Variants in ABCA13 observed in about 807,000 individuals in gnomAD.
ABCA13 encodes the protein ATP-binding cassette sub-family A member 13.
In ABCA13, 476 loss-of-function variants were observed where a neutral mutation model predicts 478.7. That is an observed-to-expected ratio of 0.99 (90% CI 0.92 to 1.07). The LOEUF is 1.07. Ranked by LOEUF, ABCA13 falls within the 50% of genes least tolerant of loss-of-function variation. The pLI, the probability that ABCA13 is intolerant of heterozygous loss-of-function variation, is 0.00. For missense variants in ABCA13, 6,060 were observed against 5,910.6 expected, an observed-to-expected ratio of 1.03 and a Z score of -0.83; for synonymous variants, 2,252 against 2,158.9, an observed-to-expected ratio of 1.04 and a Z score of -1.20.
intron 55 of ABCA13, among the ~76,000 whole-genome samples, chr7:48,534,722 T>C (rs1006747141): frequency 6.6e-6 from 1 of 152,192 alleles, no homozygotes; most frequent in African/African-American, 2.4e-5. Context: ...TTTTTCTTTG[T>C]CTTTGATGAA....
chr7:48,320,273 C>T (rs376863116), intron 27 of ABCA13, among the ~76,000 whole-genome samples: 3 of 152,122 alleles, frequency 2.0e-5, no homozygotes, highest in Non-Finnish European at 2.9e-5. Context: ...AAAATATATT[C>T]GTTAAAGTCA....
At chr7:48,205,877 A>G (rs1179981789) in intron 3 of ABCA13, among the ~76,000 whole-genome samples, 14 of 152,238 alleles carry the variant, frequency 9.2e-5, no homozygotes, top group Non-Finnish European at 4.4e-5. Flanking sequence ...TTTAAAAATC[A>G]ACTTTATTGA....
chr7:48,404,895 GA>G (rs1486190985), intron 39 of ABCA13, among the ~76,000 whole-genome samples: 2 of 152,372 alleles, frequency 1.3e-5, no homozygotes, highest in South Asian at 2.1e-4. Context: ...GGAGAAGATA[GA>G]TAGAAGTGGG....
chr7:48,494,050 T>G (rs1341365929), intron 48 of ABCA13, among the ~76,000 whole-genome samples: 4 of 152,158 alleles, frequency 2.6e-5, no homozygotes, highest in Admixed American at 2.6e-4. Context: ...TGTTCTGTAT[T>G]AGAACAAGAA....
intron 42 of ABCA13, among the ~76,000 whole-genome samples, chr7:48,435,930 A>G (rs1822766879): frequency 6.8e-6 from 1 of 147,978 alleles, no homozygotes; most frequent in Non-Finnish European, 1.5e-5. Context: ...ATTTGTTGAG[A>G]GTTTTTGTAT....
At chr7:48,464,255 A>G (rs1181241846) in intron 43 of ABCA13, among the ~76,000 whole-genome samples, 1 of 152,228 alleles carries the variant, frequency 6.6e-6, no homozygotes, top group Non-Finnish European at 1.5e-5. Flanking sequence ...GGTGACAAAG[A>G]TACTTTTAAA....
chr7:48,399,039 C>G (rs1240612069), intron 38 of ABCA13, among the ~76,000 whole-genome samples: 1 of 152,050 alleles, frequency 6.6e-6, no homozygotes. Context: ...CTAGTGACCT[C>G]TGGAAGAGCA....
At chr7:48,255,548 G>A (rs1224399683) in intron 15 of ABCA13, among the ~76,000 whole-genome samples, 2 of 152,022 alleles carry the variant, frequency 1.3e-5, no homozygotes, top group African/African-American at 4.8e-5. Context: ...TTATAAATGG[G>A]AACATGTGGT....
chr7:48,223,193 G>T (rs142058223), intron 5 of ABCA13, among the ~76,000 whole-genome samples: 7 of 152,086 alleles, frequency 4.6e-5, no homozygotes, highest in African/African-American at 1.4e-4. Flanking sequence ...GGGGAGAGGA[G>T]GAGAGGGTAT....
At position 48,272,144 on chromosome 7, in the gene ABCA13, A is replaced by G. The variant is rs772262759; in HGVS notation, c.2478A>G (p.Ile826Met). ...ATCTTTTGAGATTCATAGAATTAAT[A>G]CTTTTTGAAATTAATCCCAAATTAC... ...PKNLLRFIELILFEINPKLLE... is the reference protein window; with the variant it reads ...PKNLLRFIELMLFEINPKLLE... Residue 826 changes from isoleucine to methionine, a missense_variant, in exon 17 of 62, where the codon ATA becomes ATG. Transcript: ENST00000435803. 1.2e-6 allele frequency: 2 copies of G among 1,613,240 alleles called. No homozygotes were observed. The highest frequency in any genetic ancestry group is 1.7e-6 in the Non-Finnish European group (2 of 1,179,506).
chr7:48,202,152 C>T (rs1477674971), intron 3 of ABCA13, among the ~76,000 whole-genome samples: 5 of 151,996 alleles, frequency 3.3e-5, no homozygotes, highest in Admixed American at 6.5e-5. Flanking sequence ...AACAAAGCTT[C>T]CACACAGTGG....
intron 20 of ABCA13, among the ~76,000 whole-genome samples, 184 bp downstream of exon 20, chr7:48,288,262 G>T (rs1562972999): frequency 6.6e-6 from 1 of 152,192 alleles, no homozygotes; most frequent in Non-Finnish European, 1.5e-5. Context: ...GCCTCTCCCA[G>T]TGGTGTGCTG....
chr7:48,403,549 A>G (rs1817880046), intron 38 of ABCA13, 134 bp from the exon 39 acceptor site: 5 of 883,686 alleles, frequency 5.7e-6, no homozygotes, highest in Non-Finnish European at 8.7e-6. Flanking sequence ...ACGTGTGTGT[A>G]GCATCCACAC....
Position 48,643,371 on chromosome 7 carries a change from A to G in ABCA13, c.14921A>G (p.Tyr4974Cys), listed in dbSNP as rs750848503. Residue 4974 changes from tyrosine (Y) to cysteine (C), a missense_variant, in exon 60 of 62, where the codon TAT becomes TGT. Tyr to Cys is a radical substitution (Grantham distance 194). Transcript: ENST00000435803. ...ACTGTTTCTGACCACTTGAAGCTTT[A>G]TTTTCCAGGAATTCAGTTCAAGGTA... is the stretch of plus-strand genomic sequence containing the variant. ...HCTVSDHLKLYFPGIQFKGQH... is the reference protein window; with the variant it reads ...HCTVSDHLKLCFPGIQFKGQH... 1.9e-6 allele frequency: 3 copies of G among 1,613,378 alleles called. No homozygotes were observed. The African/African-American group carries it at 4.0e-5, about 22-fold the overall frequency.
intron 29 of ABCA13, among the ~76,000 whole-genome samples, chr7:48,347,122 G>C (rs950120438): frequency 1.3e-5 from 2 of 152,176 alleles, no homozygotes; most frequent in Non-Finnish European, 2.9e-5. Flanking sequence ...CAGCACTGCT[G>C]TCTCCAGAAC....
rs530412055 is a variant in ABCA13, at chr7:48,414,576, A to G, written c.12459+1993A>G. ...ACACATAATATACATATGTATACAT[A>G]TGTAACATATAATATACATACATAT... On this transcript the variant is annotated intron_variant, in intron 41 of 61. Coordinates refer to ENST00000435803, the MANE Select transcript of ABCA13 (RefSeq NM_152701.5). Among the ~76,000 whole-genome samples, 149 of 150,128 alleles carry G rather than the reference A, an allele frequency of 9.9e-4. 3 individuals are homozygous for G. Among genetic ancestry groups the G allele is most frequent in the African/African-American group, 3.4e-3 (139 of 41,172 alleles).
intron 7 of ABCA13, among the ~76,000 whole-genome samples, chr7:48,231,708 C>T (rs374824610): frequency 2.0e-5 from 3 of 152,098 alleles, no homozygotes; most frequent in East Asian, 1.9e-4. Context: ...TTTGCCCAGG[C>T]GGCAGTGCAG....
rs150243057 is a variant in ABCA13 at position 48,174,922 on chromosome 7, G to A, written c.69+3370G>A. ...ATGTTGAGGATTAAGGTTCTTTCCA[G>A]CTCTTATTGTTATGAATAACATCAT... On this transcript the variant is annotated intron_variant, in intron 1 of 61. Coordinates refer to ENST00000435803, the MANE Select transcript of ABCA13 (RefSeq NM_152701.5). Among the ~76,000 whole-genome samples, 746 of 152,256 alleles carry A rather than the reference G, an allele frequency of 4.9e-3. 3 individuals are homozygous for A. The highest frequency in any genetic ancestry group is 0.017 in the African/African-American group (706 of 41,536).
At position 48,274,835 on chromosome 7, in the gene ABCA13, G is replaced by A; in HGVS notation, c.5169G>A (p.Trp1723Ter). ...AATTTGCAGACAGCTCACATTCTTG[G>A]AATGTTAATCATCTGCTGCAGCTCT... ...MEKFADSSHS[W>*]NVNHLLQLSR... is the part of the protein sequence containing the mutation. The change falls in exon 17 of 62, where the codon TGG becomes TGA. Residue 1723 changes from tryptophan (W) to a stop codon, truncating the protein, a stop_gained. Transcript: ENST00000435803. LOFTEE classifies it high-confidence loss of function. 3 of 1,613,908 alleles carry A rather than the reference G, an allele frequency of 1.9e-6. No homozygotes were observed. Among genetic ancestry groups the A allele is most frequent in the African/African-American group, 2.7e-5 (2 of 75,026 alleles).
Sources: gnomAD v4.1 joint callset for allele counts (sites outside exome capture counted in the v4.1 genomes callset) on GRCh38, gnomAD v4.1.1 for gene constraint, MANE v1.5 for transcripts, NCBI Gene and HGNC (gene_info 2026-07-23, HGNC 2026-07-21) for gene names.